The following FRMD3 variants were observed in gnomAD, a reference collection of about 807,000 sequenced individuals.
FRMD3 encodes FERM domain-containing protein 3.
In FRMD3, 33 loss-of-function variants were observed where a neutral mutation model predicts 70.2. The observed-to-expected ratio is 0.47, with a 90% CI of 0.36 to 0.63. The LOEUF is 0.63. Ranked by LOEUF, FRMD3 falls within the 20% of genes least tolerant of loss-of-function variation. The probability of loss-of-function intolerance (pLI) is 0.00; values close to 1 mark genes in which losing one functional copy is unlikely to be tolerated. For missense variants in FRMD3, 632 were observed against 711.4 expected, an observed-to-expected ratio of 0.89 and a Z score of 1.27; for synonymous variants, 279 against 255.9, an observed-to-expected ratio of 1.09 and a Z score of -0.86.
intron 6 of FRMD3, chr9:83,332,055 G>A (rs1823396807): frequency 1.6e-6 from 1 of 617,544 alleles, no homozygotes; most frequent in Admixed American, 2.8e-5. Flanking sequence ...GAGCCCCCCA[G>A]CTGGCCTCTG....
In FRMD3 at chr9:83,359,529, A is replaced by C. The variant is rs577520287; in HGVS notation, c.296-9772T>G. Among the ~76,000 whole-genome samples the C allele has an allele frequency of 2.0e-3, 304 of 152,272 alleles. 1 individual carries two copies. The highest frequency in any genetic ancestry group is 3.9e-3 in the Non-Finnish European group (263 of 68,018). On this transcript the variant is annotated intron_variant, in intron 3 of 13. Transcript: ENST00000304195. ...AAGGGCTAGAGAATAAATATTTTCA[A>C]CTTTGGAAGGCTCGAGTTTTCTGTC...
intron 1 of FRMD3, among the ~76,000 whole-genome samples, chr9:83,406,228 C>G (rs1826099779): frequency 6.6e-6 from 1 of 152,160 alleles, no homozygotes; most frequent in African/African-American, 2.4e-5. Context: ...CCCCTCCCTC[C>G]GTCCACCCAC....
chr9:83,539,031 C>T (rs891245793), upstream of FRMD3, among the ~76,000 whole-genome samples: 7 of 152,198 alleles, frequency 4.6e-5, no homozygotes, highest in Non-Finnish European at 8.8e-5. Flanking sequence ...AAAAAAGAGC[C>T]TTCCATGTGC....
At chr9:83,385,780 G>A (rs576460167) in intron 2 of FRMD3, among the ~76,000 whole-genome samples, 7 of 151,978 alleles carry the variant, frequency 4.6e-5, no homozygotes, top group African/African-American at 1.7e-4. Context: ...TGTTTAAAAT[G>A]TCCATACCAG....
chr9:83,459,042 ATAGAG>A (rs1273123503), intron 1 of FRMD3, among the ~76,000 whole-genome samples: 1 of 152,244 alleles, frequency 6.6e-6, no homozygotes, highest in Non-Finnish European at 1.5e-5. Flanking sequence ...GACCCACCCA[ATAGAG>A]TAAACAGAGA....
At chr9:83,402,004 A>C (rs1222702199) in intron 1 of FRMD3, among the ~76,000 whole-genome samples, 1 of 152,112 alleles carries the variant, frequency 6.6e-6, no homozygotes. Context: ...CACCCATTTT[A>C]AAATCAATAC....
chr9:83,343,304 G>T lies in FRMD3; in HGVS notation c.375-17C>A, dbSNP rs376858363. 3.9e-6 allele frequency: 6 copies of T among 1,544,052 alleles called. No homozygotes were observed. The highest frequency in any genetic ancestry group is 4.5e-6 in the Non-Finnish European group (5 of 1,116,154). ...AAAAGGTATCTGCAATACAAAAGGA[G>T]AAATGGTCACTCTAACTTTTGGCTG... On this transcript the variant is annotated splice_polypyrimidine_tract_variant and intron_variant, in intron 4 of 13. Transcript: ENST00000304195.
intron 1 of FRMD3, among the ~76,000 whole-genome samples, chr9:83,439,466 C>G (rs540319257): frequency 1.3e-5 from 2 of 152,364 alleles, no homozygotes; most frequent in Non-Finnish European, 2.9e-5. Context: ...TCACTGGTTA[C>G]AGCCAACTGG....
At chr9:83,269,342 C>T (rs1245444747) in intron 13 of FRMD3, among the ~76,000 whole-genome samples, 3 of 152,220 alleles carry the variant, frequency 2.0e-5, no homozygotes, top group Admixed American at 1.3e-4. Flanking sequence ...AAAACTATCA[C>T]CATATTTTAT....
intron 3 of FRMD3, among the ~76,000 whole-genome samples, chr9:83,357,386 C>G (rs1015614946): frequency 6.7e-6 from 1 of 148,436 alleles, no homozygotes; most frequent in African/African-American, 2.5e-5. Flanking sequence ...TATAAACATG[C>G]GTGTGCAAGT....
intron 13 of FRMD3, among the ~76,000 whole-genome samples, chr9:83,263,847 A>G (rs1833103788): frequency 6.6e-6 from 1 of 152,242 alleles, no homozygotes; most frequent in Non-Finnish European, 1.5e-5. Context: ...ATATATATCC[A>G]GGAATATCCA....
intron 3 of FRMD3, among the ~76,000 whole-genome samples, chr9:83,352,429 C>A (rs764098701): frequency 2.0e-5 from 3 of 152,146 alleles, no homozygotes; most frequent in Admixed American, 6.5e-5. Context: ...TCCTCAGATA[C>A]AAATAGTGAC....
At position 83,247,364 on chromosome 9, in the gene FRMD3, T is replaced by C; in HGVS notation, c.*554A>G. 2.1e-6 allele frequency: 2 copies of C among 973,700 alleles called. No individual in the cohort carries two copies. Among genetic ancestry groups the C allele is most frequent in the South Asian group, 9.6e-5 (2 of 20,752 alleles). The allele number at this position is 973,700 out of a possible 1,614,324, so 60.3% of individuals were successfully genotyped here. ...GCATTAGTCTTACAATCTGTACATG[T>C]AAATAACTCCAGGAGGCTTCTTTTT... On this transcript the variant is annotated 3_prime_UTR_variant, in exon 14 of 14. Transcript: ENST00000304195.
intron 2 of FRMD3, among the ~76,000 whole-genome samples, chr9:83,385,421 A>C (rs1825482996): frequency 6.6e-6 from 1 of 152,196 alleles, no homozygotes; most frequent in Non-Finnish European, 1.5e-5. Flanking sequence ...TTAAAAAATA[A>C]TAATGGAAAT....
At chr9:83,389,800 C>A in intron 1 of FRMD3, 92 bp from the exon 2 acceptor site, 1 of 850,188 alleles carries the variant, frequency 1.2e-6, no homozygotes, top group South Asian at 1.4e-5. Flanking sequence ...GGTCTATGTT[C>A]TGAAAAATAA....
At chr9:83,296,817 C>G (rs559168759) in intron 12 of FRMD3, among the ~76,000 whole-genome samples, 1 of 152,276 alleles carries the variant, frequency 6.6e-6, no homozygotes, top group South Asian at 2.1e-4. Context: ...CTCCAGCAAG[C>G]CTGCTCCCTT....
chr9:83,301,647 T>G (rs4877752), intron 10 of FRMD3, among the ~76,000 whole-genome samples: 1 of 152,100 alleles, frequency 6.6e-6, no homozygotes, highest in African/African-American at 2.4e-5. Context: ...GTCAACCTCC[T>G]GGCCACTCAG....
At chr9:83,570,437 C>G in the FRMD3 span, among the ~76,000 whole-genome samples, 1 of 152,186 alleles carries the variant, frequency 6.6e-6, no homozygotes, top group African/African-American at 2.4e-5. Flanking sequence ...GTGATTTAAT[C>G]TGCATTGGTT....
chr9:83,573,028 T>A, the FRMD3 span, among the ~76,000 whole-genome samples: 1 of 152,006 alleles, frequency 6.6e-6, no homozygotes, highest in Non-Finnish European at 1.5e-5. Context: ...TGCAGAAAAA[T>A]AAAAATGACG....
Sources: gnomAD v4.1 joint callset for allele counts (sites outside exome capture counted in the v4.1 genomes callset) on GRCh38, gnomAD v4.1.1 for gene constraint, MANE v1.5 for transcripts, NCBI Gene and HGNC (gene_info 2026-07-23, HGNC 2026-07-21) for gene names.